REV3L: variants seen among roughly 807,000 people sequenced by gnomAD.
The protein encoded by REV3L is DNA polymerase zeta catalytic subunit.
REV3L carries 69 observed loss-of-function variants against 299.4 expected under a neutral mutation model. The ratio of observed to expected loss-of-function variants is 0.23; its 90% CI spans 0.19 to 0.28. REV3L has a LOEUF of 0.28. Ranked by LOEUF, REV3L falls within the 10% of genes least tolerant of loss-of-function variation. The probability of loss-of-function intolerance (pLI) is 1.00; values close to 1 mark genes in which losing one functional copy is unlikely to be tolerated. For missense variants in REV3L, 3,128 were observed against 3,693.8 expected, an observed-to-expected ratio of 0.85 and a Z score of 3.97; for synonymous variants, 1,238 against 1,271.4, an observed-to-expected ratio of 0.97 and a Z score of 0.56.
chr6:111,395,251 T>C (rs1782373005), intron 4 of REV3L, among the ~76,000 whole-genome samples: 1 of 152,184 alleles, frequency 6.6e-6, no homozygotes, highest in Admixed American at 6.5e-5. Context: ...AAGAATGTCA[T>C]TGGTATTTTG....
At chr6:111,408,566 T>G (rs1783890021) in intron 3 of REV3L, among the ~76,000 whole-genome samples, 1 of 151,936 alleles carries the variant, frequency 6.6e-6, no homozygotes, top group Non-Finnish European at 1.5e-5. Flanking sequence ...ATGGTGCCAC[T>G]GCACCCCAGC....
intron 12 of REV3L, among the ~76,000 whole-genome samples, chr6:111,377,355 G>A (rs926462488): frequency 1.3e-5 from 2 of 151,000 alleles, no homozygotes; most frequent in African/African-American, 2.4e-5. Context: ...ATTTTTTTTG[G>A]AGGCAGAATC....
At chr6:111,429,308 CCAGT>C (rs1240011858) in intron 1 of REV3L, among the ~76,000 whole-genome samples, 11 of 152,008 alleles carry the variant, frequency 7.2e-5, no homozygotes, top group African/African-American at 2.4e-4. Context: ...GCCATTGTGC[CCAGT>C]CAAATACATA....
At chr6:111,397,090 A>ATT (rs74625603) in intron 4 of REV3L, among the ~76,000 whole-genome samples, 10 of 140,096 alleles carry the variant, frequency 7.1e-5, no homozygotes, top group African/African-American at 1.3e-4. Flanking sequence ...GATCTTTTGT[A>ATT]TTTTTTTTTT....
At chr6:111,345,852 T>C (rs1036878143) in intron 20 of REV3L, among the ~76,000 whole-genome samples, 3 of 152,046 alleles carry the variant, frequency 2.0e-5, no homozygotes, top group African/African-American at 7.2e-5. Flanking sequence ...ACCTGTGAAT[T>C]TGAACATAGC....
chr6:111,310,977 G>T, intron 29 of REV3L, 92 bp downstream of exon 29: 1 of 966,344 alleles, frequency 1.0e-6, no homozygotes. Context: ...ACAATTTTGT[G>T]TCTGTGTCTA....
chr6:111,392,739 G>A, intron 5 of REV3L, 137 bp downstream of exon 5: 2 of 540,954 alleles, frequency 3.7e-6, no homozygotes, highest in Non-Finnish European at 6.6e-6. Flanking sequence ...CTAATGTCAA[G>A]GTTTGTTTCT....
At chr6:111,444,492 T>A (rs1157127633) in intron 1 of REV3L, among the ~76,000 whole-genome samples, 1 of 151,950 alleles carries the variant, frequency 6.6e-6, no homozygotes, top group African/African-American at 2.4e-5. Flanking sequence ...ATGATCAGTA[T>A]CCAGAATATA....
Position 111,430,948 on chromosome 6 carries a change from T to C in REV3L, c.140-14476A>G, listed in dbSNP as rs1195897359. 3.8e-6 allele frequency: 6 copies of C among 1,588,212 alleles called. No individual in the cohort carries two copies. In the East Asian group the frequency reaches 6.7e-5, roughly 18 times the overall value. ...GCCCTGTGAGACTGGGAATGACAACTGGAAGACTTCAGTCTGGTGTGAATA... is the reference window on the plus strand; with the variant it reads ...GCCCTGTGAGACTGGGAATGACAACCGGAAGACTTCAGTCTGGTGTGAATA... On this transcript the variant is annotated intron_variant, in intron 1 of 31. Transcript: ENST00000368802.
chr6:111,326,257 A>G (rs1465525175), intron 25 of REV3L, among the ~76,000 whole-genome samples: 2 of 152,214 alleles, frequency 1.3e-5, no homozygotes, highest in Non-Finnish European at 2.9e-5. Context: ...TAATAACCAG[A>G]ATATGTAAGG....
At chr6:111,376,806 T>G in intron 12 of REV3L, 49 bp from the exon 13 acceptor site, 1 of 1,414,900 alleles carries the variant, frequency 7.1e-7, no homozygotes, top group South Asian at 1.5e-5. Context: ...TCTTTTAATT[T>G]TTAAGACATT....
At chr6:111,317,495 TTTTA>T (rs1314498582) in intron 26 of REV3L, among the ~76,000 whole-genome samples, 2 of 152,164 alleles carry the variant, frequency 1.3e-5, no homozygotes, top group South Asian at 2.1e-4. Flanking sequence ...CCTTACTTTA[TTTTA>T]TTTAAGAGGC....
intron 2 of REV3L, 98 bp from the exon 3 acceptor site, chr6:111,411,652 T>C (rs1024435605): frequency 7.5e-6 from 6 of 800,088 alleles, no homozygotes; most frequent in Non-Finnish European, 1.2e-5. Flanking sequence ...CCAAATTCAG[T>C]CTTACGTTTA....
intron 1 of REV3L, among the ~76,000 whole-genome samples, chr6:111,472,439 CTT>C (rs1562366932): frequency 6.6e-6 from 1 of 151,930 alleles, no homozygotes; most frequent in African/African-American, 2.4e-5. Flanking sequence ...AGGTAACACT[CTT>C]TTATTATTTG....
At chr6:111,371,194 A>T (rs1357179370) in intron 13 of REV3L, among the ~76,000 whole-genome samples, 1 of 152,198 alleles carries the variant, frequency 6.6e-6, no homozygotes, top group Non-Finnish European at 1.5e-5. Flanking sequence ...CAAGGGCAGG[A>T]ACAAGAGCCA....
At chr6:111,390,854 G>C (rs1182510462) in intron 5 of REV3L, among the ~76,000 whole-genome samples, 2 of 151,998 alleles carry the variant, frequency 1.3e-5, no homozygotes, top group Non-Finnish European at 2.9e-5. Flanking sequence ...CTTTTCATCA[G>C]TGCCCCAAAA....
chr6:111,472,178 A>C (rs1374298964), intron 1 of REV3L: 2 of 1,227,892 alleles, frequency 1.6e-6, no homozygotes. Context: ...TCTTGTTCTG[A>C]GAAACTGCGA....
At chr6:111,456,647 TC>T (rs1790196274) in intron 1 of REV3L, among the ~76,000 whole-genome samples, 1 of 151,952 alleles carries the variant, frequency 6.6e-6, no homozygotes, top group South Asian at 2.1e-4. Flanking sequence ...TATAACTAGT[TC>T]CCCCAAAACA....
chr6:111,464,311 A>G (rs972060883), intron 1 of REV3L, among the ~76,000 whole-genome samples: 3 of 152,192 alleles, frequency 2.0e-5, no homozygotes, highest in Non-Finnish European at 4.4e-5. Context: ...TCTTTTTATA[A>G]GCAGAAAATA....
Sources: allele counts gnomAD v4.1 joint callset (sites outside exome capture counted in the v4.1 genomes callset), GRCh38; gene constraint gnomAD v4.1.1; transcripts MANE v1.5; gene names NCBI Gene and HGNC (gene_info 2026-07-23, HGNC 2026-07-21).